Variants in NKIRAS1 observed in about 807,000 individuals in gnomAD.
NKIRAS1 encodes the protein NF-kappa-B inhibitor-interacting Ras-like protein 1.
NKIRAS1 carries 16 observed loss-of-function variants against 19.8 expected under a neutral mutation model. The observed-to-expected ratio is 0.81, with a 90% CI of 0.55 to 1.23. The LOEUF (loss-of-function observed/expected upper bound fraction) is 1.23, where lower values mean the gene tolerates loss of function less well. Among genes scored for constraint, NKIRAS1 ranks in the 50% most tolerant of loss-of-function variants. NKIRAS1 has a pLI of 0.00. For synonymous variants in NKIRAS1, 88 were observed against 79.0 expected, an observed-to-expected ratio of 1.11 and a Z score of -0.61; for missense variants, 184 against 220.0, an observed-to-expected ratio of 0.84 and a Z score of 1.04.
chr3:23,911,064 G>C lies in NKIRAS1; in HGVS notation c.-17-143C>G, dbSNP rs1346205040. ...AAAAGGAGATATAGAATAAGGTATA[G>C]CCTTCCAAACCCCATTCCCCAGTCT... On this transcript the variant is annotated intron_variant, in intron 2 of 4. Transcript: ENST00000425478. The C allele has an allele frequency of 1.1e-5, 7 of 647,298 alleles. No individual in the cohort carries two copies. The Admixed American group carries it at 1.6e-4, about 15-fold the overall frequency. The allele number at this position is 647,298 out of a possible 1,614,324, so 40.1% of individuals were successfully genotyped here.
At chr3:23,918,638 T>G (rs964603177), upstream of NKIRAS1, 35 of 1,560,846 alleles carry the variant, frequency 2.2e-5, no homozygotes, top group Admixed American at 2.5e-4. Flanking sequence ...AGAGAGAGAT[T>G]AAGCAACTTT....
intron 1 of NKIRAS1, among the ~76,000 whole-genome samples, chr3:23,930,461 G>A (rs1375906546): frequency 1.2e-5 from 1 of 80,904 alleles, no homozygotes; most frequent in African/African-American, 4.1e-5. Flanking sequence ...AGATAAATAA[G>A]CCGCCAAAAA....
intron 3 of NKIRAS1, among the ~76,000 whole-genome samples, chr3:23,906,036 G>A (rs28623591): frequency 0.21 from 31,939 of 151,602 alleles, 3,365 homozygotes; most frequent in African/African-American, 0.23. Context: ...GCGCATGACC[G>A]TAATCCCAGC....
intron 1 of NKIRAS1, among the ~76,000 whole-genome samples, chr3:23,940,574 T>C (rs1705474967): frequency 6.6e-6 from 1 of 152,218 alleles, no homozygotes; most frequent in Non-Finnish European, 1.5e-5. Context: ...TAGTGTTTTC[T>C]ATGCACAGAT....
At chr3:23,908,919 C>G (rs1703353448) in intron 3 of NKIRAS1, among the ~76,000 whole-genome samples, 1 of 150,778 alleles carries the variant, frequency 6.6e-6, no homozygotes, top group Non-Finnish European at 1.5e-5. Context: ...GTCTCAAACT[C>G]CTGAGCCCAG....
intron 4 of NKIRAS1, 57 bp downstream of exon 4, chr3:23,900,751 G>C: frequency 7.2e-7 from 1 of 1,379,622 alleles, no homozygotes; most frequent in South Asian, 1.2e-5. Flanking sequence ...AAAAGTCTGT[G>C]CTATAATTTA....
chr3:23,912,207 C>T (rs1219002298), intron 1 of NKIRAS1, among the ~76,000 whole-genome samples: 1 of 152,084 alleles, frequency 6.6e-6, no homozygotes, highest in East Asian at 1.9e-4. Flanking sequence ...TCTAATTAAA[C>T]TAAAGAGCTT....
Position 23,927,111 on chromosome 3 carries a change from A to G in NKIRAS1, c.-139-15661T>C, listed in dbSNP as rs1393642002. On this transcript the variant is annotated intron_variant, in intron 1 of 4. Coordinates refer to the NKIRAS1 transcript ENST00000421515. The surrounding 1 kb of genome is among the most constrained non-coding windows in gnomAD (Gnocchi z 4.0). ...TTTTAGTTATTCTTATTAATGATGCAGTGAACATCATCACTATACATATAG... is the reference window on the plus strand; with the variant it reads ...TTTTAGTTATTCTTATTAATGATGCGGTGAACATCATCACTATACATATAG... Among the ~76,000 whole-genome samples the G allele has an allele frequency of 3.3e-5, 5 of 152,232 alleles. No individual in the cohort carries two copies. Among genetic ancestry groups the G allele is most frequent in the Non-Finnish European group, 7.3e-5 (5 of 68,036 alleles).
At chr3:23,942,878 G>T (rs1705532235) in intron 1 of NKIRAS1, among the ~76,000 whole-genome samples, 1 of 152,124 alleles carries the variant, frequency 6.6e-6, no homozygotes, top group Non-Finnish European at 1.5e-5. Context: ...CTCTTGAGTA[G>T]CTGGGACTAC....
chr3:23,919,145 C>T (rs1458411157), upstream of NKIRAS1: 1 of 1,262,810 alleles, frequency 7.9e-7, no homozygotes, highest in African/African-American at 1.5e-5. Context: ...TTCTGACTTG[C>T]TGCTATAGGC....
chr3:23,906,328 T>C (rs1351146772), intron 3 of NKIRAS1, among the ~76,000 whole-genome samples: 3 of 152,134 alleles, frequency 2.0e-5, no homozygotes, highest in Middle Eastern at 3.2e-3. Context: ...CTGGACTATG[T>C]GGAAAGAACT....
rs1701505516 is a variant in NKIRAS1 at position 23,892,001 on chromosome 3, G to C, written c.*1094C>G. The C allele has an allele frequency of 6.6e-6, 1 of 152,144 alleles. No individual in the cohort carries two copies. Among genetic ancestry groups the C allele is most frequent in the Non-Finnish European group, 1.5e-5 (1 of 68,026 alleles). The allele number at this position is 152,144 out of a possible 1,614,324, so 9.4% of individuals were successfully genotyped here. A position where few individuals can be genotyped will look rare whatever the true frequency, so the allele number is the denominator to read the frequency against. On this transcript the variant is annotated 3_prime_UTR_variant, in exon 5 of 5. Coordinates refer to ENST00000425478, the MANE Select transcript of NKIRAS1 (RefSeq NM_020345.4). ...ATACTGTAGCAGCAATAGCTGATTT[G>C]TAAGTATCGTCTTTTATATGTAGTA...
chr3:23,896,544 C>T (rs767422369), intron 4 of NKIRAS1, among the ~76,000 whole-genome samples: 3 of 151,622 alleles, frequency 2.0e-5, no homozygotes, highest in Non-Finnish European at 2.9e-5. Context: ...ACCTGGGAGG[C>T]GGAGGTTGCT....
chr3:23,937,998 C>A (rs1705428040), intron 1 of NKIRAS1, among the ~76,000 whole-genome samples: 2 of 152,108 alleles, frequency 1.3e-5, no homozygotes, highest in African/African-American at 4.8e-5. Context: ...GGGTCTATAT[C>A]TGAAATATCA....
Position 23,926,986 on chromosome 3 carries a change from T to C in NKIRAS1, c.-139-15536A>G, listed in dbSNP as rs1705224188. Reference sequence around the variant, plus strand: ...ATCAGCTGCCCCAAACAGGATGAAATCCATGTCGCAGTTTTTAACCAAGCA... The same window carrying C: ...ATCAGCTGCCCCAAACAGGATGAAACCCATGTCGCAGTTTTTAACCAAGCA... On this transcript the variant is annotated intron_variant, in intron 1 of 4. Transcript: ENST00000421515. This position sits in a 1 kb window ranked among gnomAD's most constrained non-coding sequence, Gnocchi z 4.3. Among the ~76,000 whole-genome samples the C allele has an allele frequency of 6.6e-6, 1 of 152,076 alleles. No individual in the cohort carries two copies. The highest frequency in any genetic ancestry group is 2.4e-5 in the African/African-American group (1 of 41,400).
rs571706954 is a variant in NKIRAS1, at chr3:23,901,942, G to A, written c.95-893C>T. ...ACAAAAATTCGCTGGGTGTGGTGGC[G>A]GGCACCTGTTATCCCAGCTACTCAG... On this transcript the variant is annotated intron_variant, in intron 3 of 4. Coordinates refer to ENST00000425478, the MANE Select transcript of NKIRAS1 (RefSeq NM_020345.4). Among the ~76,000 whole-genome samples, 6 of 152,212 alleles carry A rather than the reference G, an allele frequency of 3.9e-5. No homozygotes were observed. The South Asian group carries it at 6.2e-4, about 16-fold the overall frequency.
chr3:23,926,513 CTT>C lies in NKIRAS1; in HGVS notation c.-139-15065_-139-15064del, dbSNP rs896331377. Among the ~76,000 whole-genome samples the C allele has an allele frequency of 1.3e-5, 2 of 150,508 alleles. No homozygotes were observed. Among genetic ancestry groups the C allele is most frequent in the African/African-American group, 4.9e-5 (2 of 40,972 alleles). ...CTTTCCTCTTCCTCTTCTTCCTCTTCTTTTTTTTTGTGTCATTCTCTAGTAGA... is the reference window on the plus strand; with the variant it reads ...CTTTCCTCTTCCTCTTCTTCCTCTTCTTTTTTTGTGTCATTCTCTAGTAGA... On this transcript the variant is annotated intron_variant, in intron 1 of 4. Transcript: ENST00000421515. The surrounding 1 kb of genome is among the most constrained non-coding windows in gnomAD (Gnocchi z 4.3).
At chr3:23,914,150 C>A (rs566089680) in intron 1 of NKIRAS1, among the ~76,000 whole-genome samples, 4 of 143,956 alleles carry the variant, frequency 2.8e-5, no homozygotes, top group East Asian at 2.0e-4. Flanking sequence ...TAAATACAAC[C>A]TCCTCTCTCC....
At chr3:23,944,955 T>G (rs1705592553) in intron 1 of NKIRAS1, among the ~76,000 whole-genome samples, 1 of 150,688 alleles carries the variant, frequency 6.6e-6, no homozygotes, top group South Asian at 2.1e-4. Flanking sequence ...AGCCACCAGG[T>G]TGGGGGGCAG....
Sources: allele counts gnomAD v4.1 joint callset (sites outside exome capture counted in the v4.1 genomes callset), GRCh38; gene constraint gnomAD v4.1.1; non-coding constraint Gnocchi (gnomAD v3.1); transcripts MANE v1.5; gene names NCBI Gene and HGNC (gene_info 2026-07-23, HGNC 2026-07-21).